The following ABHD2 variants were observed in gnomAD, a reference collection of about 807,000 sequenced individuals.
ABHD2 encodes the protein abhydrolase domain containing 2, acylglycerol lipase, also known as monoacylglycerol lipase ABHD2.
A neutral mutation model predicts 48.1 loss-of-function variants in ABHD2; 20 were observed. The observed-to-expected ratio is 0.42, with a 90% CI of 0.29 to 0.60. The LOEUF is 0.60. Ranked by LOEUF, ABHD2 falls within the 20% of genes least tolerant of loss-of-function variation. ABHD2 has a pLI of 0.24. For synonymous variants in ABHD2, 209 were observed against 214.2 expected (o/e 0.98, Z 0.21); for missense variants, 405 against 550.9 (o/e 0.74, Z 2.65).
Position 89,127,722 on chromosome 15 carries a change from C to CATATATAT in ABHD2, c.194+11212_194+11219dup, listed in dbSNP as rs72455898. Among the ~76,000 whole-genome samples, 465 of 133,108 alleles carry CATATATAT rather than the reference C, an allele frequency of 3.5e-3. 5 individuals are homozygous for CATATATAT. The highest frequency in any genetic ancestry group is 0.035 in the South Asian group (157 of 4,508). 87.3% of individuals were successfully genotyped at this position (133,108 alleles called of 152,430 possible). ...ATATATATACATATATATATATACA[C>CATATATAT]ATATATATATATATATATGTATATT... On this transcript the variant is annotated intron_variant, in intron 3 of 10. Transcript: ENST00000352732.
chr15:89,160,331 G>A (rs1352223624), intron 5 of ABHD2, among the ~76,000 whole-genome samples: 1 of 152,006 alleles, frequency 6.6e-6, no homozygotes, highest in African/African-American at 2.4e-5. Context: ...TTGATGTGTG[G>A]GCTTTCTATA....
chr15:89,062,723 A>G, the ABHD2 span, among the ~76,000 whole-genome samples: 1 of 152,066 alleles, frequency 6.6e-6, no homozygotes, highest in Non-Finnish European at 1.5e-5. Context: ...TAGGAAGGCC[A>G]GGGGTTGGGG....
At chr15:89,107,023 G>A (rs1365211210) in intron 1 of ABHD2, among the ~76,000 whole-genome samples, 2 of 152,082 alleles carry the variant, frequency 1.3e-5, no homozygotes, top group Non-Finnish European at 2.9e-5. Context: ...GTACTTTGGG[G>A]GACAAAGTTT....
At chr15:89,043,477 G>GA in the ABHD2 span, among the ~76,000 whole-genome samples, 2 of 147,004 alleles carry the variant, frequency 1.4e-5, no homozygotes, top group African/African-American at 2.5e-5. Flanking sequence ...AGGAGAAGGA[G>GA]AGGAAGAAGG....
In ABHD2 at chr15:89,182,143, C is replaced by G. The variant is rs903364446; in HGVS notation, c.723-3281C>G. ...TTATGGATTATTCTCAAAAAAGACT[C>G]CCAGTGAAACTATACTGGGTTTGGG... On this transcript the variant is annotated intron_variant, in intron 6 of 10. Transcript: ENST00000352732. This position sits in a 1 kb window ranked among gnomAD's most constrained non-coding sequence, Gnocchi z 4.8. Among the ~76,000 whole-genome samples the G allele has an allele frequency of 1.3e-5, 2 of 152,180 alleles. No homozygotes were observed. The highest frequency in any genetic ancestry group is 2.9e-5 in the Non-Finnish European group (2 of 68,034).
At chr15:89,138,035 C>T (rs2050342588) in intron 3 of ABHD2, among the ~76,000 whole-genome samples, 1 of 152,234 alleles carries the variant, frequency 6.6e-6, no homozygotes, top group Non-Finnish European at 1.5e-5. Context: ...GCTTCAGGTC[C>T]ACCAGGCTAG....
Position 89,171,604 on chromosome 15 carries a change from T to A in ABHD2, c.539-4208T>A, listed in dbSNP as rs11073846. ...GGCGATGTGCTACCTGTGGAAACCT[T>A]GCTTTGAGGAAATGTTTGGAAAACT... On this transcript the variant is annotated intron_variant, in intron 5 of 10. Transcript: ENST00000352732. 5.3e-3 allele frequency among the ~76,000 whole-genome samples: 813 copies of A among 152,274 alleles called. 8 individuals are homozygous for A. Among genetic ancestry groups the A allele is most frequent in the African/African-American group, 0.019 (783 of 41,532 alleles).
intron 1 of ABHD2, among the ~76,000 whole-genome samples, chr15:89,099,095 G>A (rs557666000): frequency 6.6e-6 from 1 of 152,326 alleles, no homozygotes; most frequent in East Asian, 1.9e-4. Flanking sequence ...GTAACTCACA[G>A]CGGTTGTGAG....
chr15:89,133,834 A>ATTTTTTTTTTTTTTTT, intron 3 of ABHD2, among the ~76,000 whole-genome samples: 1 of 123,782 alleles, frequency 8.1e-6, no homozygotes, highest in Non-Finnish European at 1.7e-5. Flanking sequence ...GCCATGCATA[A>ATTTTTTTTTTTTTTTT]TTTTTTTTTT....
upstream of ABHD2, among the ~76,000 whole-genome samples, chr15:89,086,560 A>G (rs1901350710): frequency 1.3e-5 from 2 of 152,178 alleles, no homozygotes; most frequent in Non-Finnish European, 2.9e-5. Context: ...GACTACAGGC[A>G]TGCACCACCA....
At position 89,151,937 on chromosome 15, in the gene ABHD2, T is replaced by A. The variant is rs1008666602; in HGVS notation, c.370+85T>A. 1.5e-5 allele frequency: 23 copies of A among 1,505,636 alleles called. No individual in the cohort carries two copies. The highest frequency in any genetic ancestry group is 1.4e-4 in the African/African-American group (10 of 72,518). The allele number at this position is 1,505,636 out of a possible 1,614,324, so 93.3% of individuals were successfully genotyped here. ...GAGAGCACAGCAGTGTGAATACTTGTGCCACTGACTCTGCCCATGGCATCA... is the reference window on the plus strand; with the variant it reads ...GAGAGCACAGCAGTGTGAATACTTGAGCCACTGACTCTGCCCATGGCATCA... On this transcript the variant is annotated intron_variant, in intron 4 of 10. Transcript: ENST00000352732. This position sits in a 1 kb window ranked among gnomAD's most constrained non-coding sequence, Gnocchi z 4.7.
intron 3 of ABHD2, among the ~76,000 whole-genome samples, chr15:89,144,994 C>T (rs1267935432): frequency 2.6e-5 from 4 of 152,200 alleles, no homozygotes; most frequent in African/African-American, 9.6e-5. Context: ...CAGTGGCTCA[C>T]ACCTGTAATC....
chr15:89,125,446 G>C (rs1482653484), intron 3 of ABHD2, among the ~76,000 whole-genome samples: 1 of 152,144 alleles, frequency 6.6e-6, no homozygotes, highest in Non-Finnish European at 1.5e-5. Flanking sequence ...TCTTGATTGA[G>C]GCTAAATATT....
At chr15:89,054,384 C>G in the ABHD2 span, among the ~76,000 whole-genome samples, 2 of 151,518 alleles carry the variant, frequency 1.3e-5, no homozygotes, top group Non-Finnish European at 1.5e-5. Context: ...GTATGCATGT[C>G]AGAAATTGTA....
intron 3 of ABHD2, among the ~76,000 whole-genome samples, chr15:89,127,726 T>TATATATATATATATATATATATATATAC (rs1567080111): frequency 2.0e-4 from 29 of 141,898 alleles, no homozygotes; most frequent in African/African-American, 8.0e-4. Context: ...TATACACATA[T>TATATATATATATATATATATATATATAC]ATATATATAT....
chr15:89,201,733 T>TGA lies in ABHD2; in HGVS notation c.*6312_*6313dup. 1 of 1,590,246 alleles carries TGA rather than the reference T, an allele frequency of 6.3e-7. No homozygotes were observed. The highest frequency in any genetic ancestry group is 1.1e-5 in the South Asian group (1 of 90,628). ...ACATCTGTGAAGGGGCCTTTGAATT[T>TGA]GAGGTCTATGGGCGGGTCGAGGACC... On this transcript the variant is annotated 3_prime_UTR_variant, in exon 11 of 11. Transcript: ENST00000352732.
chr15:89,112,988 A>T (rs2049899119), intron 1 of ABHD2, among the ~76,000 whole-genome samples: 2 of 152,238 alleles, frequency 1.3e-5, no homozygotes, highest in Non-Finnish European at 2.9e-5. Flanking sequence ...TGAAGAGCAG[A>T]GCTTAGCACG....
intron 3 of ABHD2, among the ~76,000 whole-genome samples, chr15:89,122,705 G>A (rs1327037332): frequency 6.6e-6 from 1 of 152,202 alleles, no homozygotes; most frequent in African/African-American, 2.4e-5. Context: ...GGTCCCGGTT[G>A]GGAAGTAGAG....
chr15:89,087,016 T>G (rs1008137185), upstream of ABHD2: 31 of 152,292 alleles, frequency 2.0e-4, no homozygotes, highest in African/African-American at 7.5e-4. The surrounding 1 kb of genome is among the most constrained non-coding windows in gnomAD (Gnocchi z 5.5). Context: ...TTCACTCTGA[T>G]GTACCATGGC....
Sources: allele counts gnomAD v4.1 joint callset (sites outside exome capture counted in the v4.1 genomes callset), GRCh38; gene constraint gnomAD v4.1.1; non-coding constraint Gnocchi (gnomAD v3.1); transcripts MANE v1.5; gene names NCBI Gene and HGNC (gene_info 2026-07-23, HGNC 2026-07-21).